Variants in PHF24 observed in about 807,000 individuals in gnomAD.
PHF24 encodes PHD finger protein 24.
Under a neutral mutation model 42.6 loss-of-function variants are expected in PHF24, and 25 were observed. The observed-to-expected ratio is 0.59, with a 90% CI of 0.43 to 0.82. PHF24 has a LOEUF of 0.82. Among genes scored for constraint, PHF24 ranks in the 40% least tolerant of loss-of-function variants. The pLI is 0.00. For missense variants in PHF24, 470 were observed against 538.1 expected, an observed-to-expected ratio of 0.87 and a Z score of 1.25; for synonymous variants, 185 against 204.8, an observed-to-expected ratio of 0.90 and a Z score of 0.83.
chr9:34,768,139 A>G, the PHF24 span, among the ~76,000 whole-genome samples: 265 of 152,346 alleles, frequency 1.7e-3, 1 homozygote, highest in African/African-American at 6.0e-3. Flanking sequence ...TTCACTGGAC[A>G]TGGCTACAAA....
At chr9:34,809,527 A>T in the PHF24 span, among the ~76,000 whole-genome samples, 1 of 152,182 alleles carries the variant, frequency 6.6e-6, no homozygotes, top group Non-Finnish European at 1.5e-5. This position sits in a 1 kb window ranked among gnomAD's most constrained non-coding sequence, Gnocchi z 4.1. Context: ...CTCTCAGGAA[A>T]CAGTGCACAG....
chr9:34,911,456 T>G, the PHF24 span, among the ~76,000 whole-genome samples: 7 of 152,078 alleles, frequency 4.6e-5, no homozygotes, highest in African/African-American at 1.7e-4. Context: ...GGTTTCACCA[T>G]CTTGGCCGGC....
At chr9:34,941,973 A>T in the PHF24 span, among the ~76,000 whole-genome samples, 1 of 152,208 alleles carries the variant, frequency 6.6e-6, no homozygotes, top group Admixed American at 6.5e-5. Context: ...GGTTGGTCTC[A>T]AGGAATAGTG....
At chr9:34,891,829 G>A in the PHF24 span, among the ~76,000 whole-genome samples, 1 of 152,184 alleles carries the variant, frequency 6.6e-6, no homozygotes, top group Non-Finnish European at 1.5e-5. Flanking sequence ...GACAACAGCT[G>A]GCAAACTCCA....
the PHF24 span, among the ~76,000 whole-genome samples, chr9:34,698,935 G>C: frequency 6.6e-6 from 1 of 152,354 alleles, no homozygotes; most frequent in East Asian, 1.9e-4. Flanking sequence ...AAGAATCTTA[G>C]TGTAGTGGAG....
the PHF24 span, among the ~76,000 whole-genome samples, chr9:34,793,536 GAGA>G: frequency 1.7e-4 from 26 of 152,138 alleles, no homozygotes; most frequent in African/African-American, 6.0e-4. Flanking sequence ...AGGTGTATTG[GAGA>G]AGAAGACCCA....
the PHF24 span, among the ~76,000 whole-genome samples, chr9:34,711,051 A>T: frequency 6.6e-6 from 1 of 151,838 alleles, no homozygotes; most frequent in South Asian, 2.1e-4. Flanking sequence ...AATAATACCA[A>T]CTTAGTTTCA....
At chr9:34,796,246 TA>T in the PHF24 span, among the ~76,000 whole-genome samples, 48,219 of 151,660 alleles carry the variant, frequency 0.32, 8,230 homozygotes, top group East Asian at 0.56. Flanking sequence ...GTCATAAATC[TA>T]AGTATAAAAT....
the PHF24 span, among the ~76,000 whole-genome samples, chr9:34,812,088 A>G: frequency 8.5e-5 from 13 of 152,354 alleles, no homozygotes; most frequent in East Asian, 1.5e-3. Flanking sequence ...AACTACAGTG[A>G]AGCTGGATGC....
the PHF24 span, among the ~76,000 whole-genome samples, chr9:34,882,818 C>G: frequency 6.6e-6 from 1 of 152,134 alleles, no homozygotes; most frequent in Non-Finnish European, 1.5e-5. Context: ...AATGCCATCC[C>G]CATCAAGCTA....
At chr9:34,692,785 C>CTTTTT in the PHF24 span, among the ~76,000 whole-genome samples, 3 of 120,064 alleles carry the variant, frequency 2.5e-5, no homozygotes, top group Non-Finnish European at 3.4e-5. Context: ...TTCTTTTGTC[C>CTTTTT]TTTTTTTTTT....
the PHF24 span, among the ~76,000 whole-genome samples, chr9:34,907,741 T>G: frequency 6.6e-6 from 1 of 152,198 alleles, no homozygotes; most frequent in African/African-American, 2.4e-5. Context: ...TTGGATTGTC[T>G]TTGTTTAGTT....
At chr9:34,950,785 A>T in the PHF24 span, among the ~76,000 whole-genome samples, 1 of 152,196 alleles carries the variant, frequency 6.6e-6, no homozygotes, top group South Asian at 2.1e-4. Context: ...AAGAGCAAAC[A>T]AAACCCAAAG....
chr9:34,771,059 GC>G, the PHF24 span, among the ~76,000 whole-genome samples: 3 of 152,192 alleles, frequency 2.0e-5, no homozygotes, highest in Admixed American at 6.5e-5. Flanking sequence ...GTTGCAGTGA[GC>G]CGAGATTGAG....
the PHF24 span, chr9:34,724,176 C>G: frequency 6.4e-7 from 1 of 1,551,276 alleles, no homozygotes; most frequent in South Asian, 1.2e-5. Context: ...CAGGGTTCCT[C>G]CAGGCTGGGT....
At chr9:34,840,909 T>C in the PHF24 span, among the ~76,000 whole-genome samples, 24 of 152,192 alleles carry the variant, frequency 1.6e-4, no homozygotes, top group Non-Finnish European at 2.8e-4. Flanking sequence ...TTCCTTCTAG[T>C]GAAATTGCTG....
the PHF24 span, among the ~76,000 whole-genome samples, chr9:34,919,140 T>C: frequency 6.6e-6 from 1 of 152,326 alleles, no homozygotes; most frequent in Non-Finnish European, 1.5e-5. Flanking sequence ...TTATTATACG[T>C]GTTTACTATG....
the PHF24 span, chr9:34,836,981 A>G: frequency 1.2e-5 from 5 of 415,086 alleles, no homozygotes; most frequent in East Asian, 7.5e-5. Context: ...GCCATTTTCC[A>G]TCTCCTCAGT....
chr9:34,881,913 A>G, the PHF24 span, among the ~76,000 whole-genome samples: 1 of 152,226 alleles, frequency 6.6e-6, no homozygotes, highest in Non-Finnish European at 1.5e-5. Context: ...CAACAAAAAC[A>G]GAGAATTTTA....
Sources: allele counts gnomAD v4.1 joint callset (sites outside exome capture counted in the v4.1 genomes callset), GRCh38; gene constraint gnomAD v4.1.1; non-coding constraint Gnocchi (gnomAD v3.1); transcripts MANE v1.5; gene names NCBI Gene and HGNC (gene_info 2026-07-23, HGNC 2026-07-21).